MOSPD2: variants seen among roughly 807,000 people sequenced by gnomAD.
MOSPD2 encodes the protein motile sperm domain-containing protein 2.
In MOSPD2, 5 loss-of-function variants were observed where a neutral mutation model predicts 41.7. The observed-to-expected ratio is 0.12, with a 90% CI of 0.06 to 0.25. The LOEUF (loss-of-function observed/expected upper bound fraction) is 0.25. Ranked by LOEUF, MOSPD2 falls within the 10% of genes least tolerant of loss-of-function variation. MOSPD2 has a pLI of 1.00. For missense variants in MOSPD2, 282 were observed against 375.2 expected (o/e 0.75, Z 2.05); for synonymous variants, 115 against 126.9 (o/e 0.91, Z 0.63).
rs1370201930 is a variant in MOSPD2 at position 14,875,488 on chromosome X, G to A, written c.79+1730G>A. ...TTATATGTTGCAACCCAGGACAAAC[G>A]TGCACACTCACATAACTGAAGCAAA... On this transcript the variant is annotated intron_variant, in intron 2 of 14. Transcript: ENST00000380492. Among the ~76,000 whole-genome samples the A allele has an allele frequency of 5.4e-5, 6 of 111,793 alleles. No individual in the cohort carries two copies. In the East Asian group the frequency reaches 1.7e-3, roughly 31 times the overall value.
chrX:14,911,881 T>A (rs1339542993), intron 9 of MOSPD2, among the ~76,000 whole-genome samples: 1 of 112,134 alleles, frequency 8.9e-6, no homozygotes, highest in East Asian at 2.8e-4. Flanking sequence ...AGTGAGACTT[T>A]GTCTCAAAAT....
In MOSPD2 at chrX:14,920,921, C is replaced by T. The variant is rs753633598; in HGVS notation, c.*1112C>T. ...CACAGACGCCCAGGTGTCAGCTCTC[C>T]GTTTAAAGAATGAAAAATGTAACTC... On this transcript the variant is annotated 3_prime_UTR_variant, in exon 15 of 15. Coordinates refer to ENST00000380492, the MANE Select transcript of MOSPD2 (RefSeq NM_152581.4). 277 of 752,171 alleles carry T rather than the reference C, an allele frequency of 3.7e-4. No homozygotes were observed. The highest frequency in any genetic ancestry group is 4.2e-4 in the African/African-American group (18 of 43,123). The allele number at this position is 752,171 out of a possible 1,213,427, so 62.0% of individuals were successfully genotyped here. A position where few individuals can be genotyped will look rare whatever the true frequency, so the allele number is the denominator to read the frequency against.
intron 2 of MOSPD2, among the ~76,000 whole-genome samples, chrX:14,887,908 ATTTG>A (rs146251126): frequency 2.4e-3 from 270 of 110,764 alleles, no homozygotes; most frequent in Middle Eastern, 0.019. Context: ...GGACTTTACA[ATTTG>A]TTTGGTGGTA....
At chrX:14,879,560 T>G (rs1463281983) in intron 2 of MOSPD2, among the ~76,000 whole-genome samples, 2 of 111,370 alleles carry the variant, frequency 1.8e-5, no homozygotes, top group East Asian at 5.6e-4. Flanking sequence ...GCAATAAATA[T>G]AACCCATATC....
intron 2 of MOSPD2, among the ~76,000 whole-genome samples, chrX:14,883,194 GAA>G (rs1215681142): frequency 2.0e-5 from 2 of 101,002 alleles, no homozygotes; most frequent in Admixed American, 2.1e-4. Context: ...ACTCCATCTC[GAA>G]AAAAAAAAAG....
At chrX:14,890,687 A>G (rs2092551970) in intron 2 of MOSPD2, among the ~76,000 whole-genome samples, 1 of 111,834 alleles carries the variant, frequency 8.9e-6, no homozygotes, top group African/African-American at 3.3e-5. Context: ...CATTGTGAGT[A>G]TATAAAACAG....
chrX:14,921,365 G>A lies in MOSPD2; in HGVS notation c.*1556G>A. On this transcript the variant is annotated 3_prime_UTR_variant, in exon 15 of 15. Coordinates refer to ENST00000380492, the MANE Select transcript of MOSPD2 (RefSeq NM_152581.4). ...GGTGTGCTACTTTGTCTTAATTTGG[G>A]CTTTTCTGTTTCAGTTTGCCACCTC... is the stretch of plus-strand genomic sequence containing the variant. 1.1e-6 allele frequency: 1 copy of A among 937,007 alleles called. No homozygotes were observed. Among genetic ancestry groups the A allele is most frequent in the South Asian group, 5.9e-5 (1 of 16,997 alleles). The allele number at this position is 937,007 out of a possible 1,213,427, so 77.2% of individuals were successfully genotyped here. A position where few individuals can be genotyped will look rare whatever the true frequency, so the allele number is the denominator to read the frequency against.
In MOSPD2 at chrX:14,873,710, A is replaced by C. The variant is rs1174053875; in HGVS notation, c.31A>C (p.Lys11Gln). 8.3e-7 allele frequency: 1 copy of C among 1,211,038 alleles called. No homozygotes were observed. The highest frequency in any genetic ancestry group is 1.1e-6 in the Non-Finnish European group (1 of 894,898). MAENHAQNKA[K>Q]LISETRRRFE... ...CCAGAATCACGCCCAGAATAAAGCCAAGCTCATCTCTGAGACCCGGAGGAG... is the reference window on the plus strand; with the variant it reads ...CCAGAATCACGCCCAGAATAAAGCCCAGCTCATCTCTGAGACCCGGAGGAG... The change falls in exon 2 of 15, where the codon AAG (lysine) becomes CAG (glutamine). Residue 11 changes from lysine to glutamine, a missense_variant. By Grantham distance (53) the Lys-to-Gln change is moderately conservative. Transcript: ENST00000380492.
intron 3 of MOSPD2, among the ~76,000 whole-genome samples, chrX:14,893,817 A>C (rs2092558183): frequency 8.8e-6 from 1 of 113,088 alleles, no homozygotes; most frequent in African/African-American, 3.2e-5. Flanking sequence ...CCAAAGAAAG[A>C]AATATAAATC....
In MOSPD2 at chrX:14,920,223, G is replaced by A; in HGVS notation, c.*414G>A. Reference sequence around the variant, plus strand: ...TTTATGACAGAATTATTATAGCTGAGCTGACTTACTAGCTTTTCTATACTA... The same window carrying A: ...TTTATGACAGAATTATTATAGCTGAACTGACTTACTAGCTTTTCTATACTA... On this transcript the variant is annotated 3_prime_UTR_variant, in exon 15 of 15. Coordinates refer to ENST00000380492, the MANE Select transcript of MOSPD2 (RefSeq NM_152581.4). 1 of 752,587 alleles carries A rather than the reference G, an allele frequency of 1.3e-6. No individual in the cohort carries two copies. The highest frequency in any genetic ancestry group is 1.6e-6 in the Non-Finnish European group (1 of 637,498). The allele number at this position is 752,587 out of a possible 1,213,427, so 62.0% of individuals were successfully genotyped here.
At chrX:14,888,200 ACACACG>A (rs200263253) in intron 2 of MOSPD2, among the ~76,000 whole-genome samples, 3,888 of 37,936 alleles carry the variant, frequency 0.1, 73 homozygotes, top group Admixed American at 0.17. Context: ...ATATATACAC[ACACACG>A]CACACACACA....
chrX:14,902,004 T>C (rs141840848), intron 6 of MOSPD2, among the ~76,000 whole-genome samples: 1,344 of 110,259 alleles, frequency 0.012, 18 homozygotes, highest in Non-Finnish European at 0.02. Flanking sequence ...ATATATATAT[T>C]CTACCTACAT....
chrX:14,897,752 C>T (rs908059847), intron 5 of MOSPD2, among the ~76,000 whole-genome samples: 1 of 109,701 alleles, frequency 9.1e-6, no homozygotes, highest in African/African-American at 3.3e-5. Context: ...GATTTGTTTT[C>T]TATCTGTTTG....
chrX:14,878,752 G>T (rs1486988096), intron 2 of MOSPD2, among the ~76,000 whole-genome samples: 1 of 111,304 alleles, frequency 9.0e-6, no homozygotes, highest in African/African-American at 3.3e-5. Flanking sequence ...ACAACGTGCA[G>T]GTTTGTTACA....
At chrX:14,893,410 G>T (rs1184465557) in intron 3 of MOSPD2, 2 of 111,411 alleles carry the variant, frequency 1.8e-5, no homozygotes, top group Non-Finnish European at 3.8e-5. Flanking sequence ...TACATATTTT[G>T]GGGTACATGC....
intron 5 of MOSPD2, among the ~76,000 whole-genome samples, chrX:14,897,566 T>TA (rs778217469): frequency 8.9e-6 from 1 of 112,010 alleles, no homozygotes; most frequent in East Asian, 2.8e-4. Context: ...TAATATCCTA[T>TA]AGCACCTGCC....
At chrX:14,916,377 G>C in intron 13 of MOSPD2, 51 bp downstream of exon 13, 1 of 1,201,809 alleles carries the variant, frequency 8.3e-7, no homozygotes, top group Non-Finnish European at 1.1e-6. Flanking sequence ...GAATCAGAAA[G>C]AGAAAAGTGC....
At chrX:14,914,699 A>G in intron 11 of MOSPD2, 100 bp downstream of exon 11, 1 of 495,363 alleles carries the variant, frequency 2.0e-6, no homozygotes. Flanking sequence ...TTGAACTTGT[A>G]CAGTGTTTTT....
intron 5 of MOSPD2, among the ~76,000 whole-genome samples, chrX:14,897,601 A>T (rs1433244819): frequency 8.9e-6 from 1 of 112,052 alleles, no homozygotes; most frequent in Non-Finnish European, 1.9e-5. Context: ...ATAGTAATAT[A>T]TTCAGGAAAT....
Sources: allele counts gnomAD v4.1 joint callset (sites outside exome capture counted in the v4.1 genomes callset), GRCh38; gene constraint gnomAD v4.1.1; transcripts MANE v1.5; gene names NCBI Gene and HGNC (gene_info 2026-07-23, HGNC 2026-07-21).